The following LFNG variants were observed in gnomAD, a reference collection of about 807,000 sequenced individuals.
LFNG encodes beta-1,3-N-acetylglucosaminyltransferase lunatic fringe.
LFNG carries 15 observed loss-of-function variants against 32.7 expected under a neutral mutation model. The ratio of observed to expected loss-of-function variants is 0.46; its 90% confidence interval spans 0.31 to 0.71. The LOEUF (loss-of-function observed/expected upper bound fraction) is 0.71. Ranked by LOEUF, LFNG falls within the 30% of genes least tolerant of loss-of-function variation. LFNG has a pLI of 0.06. For synonymous variants in LFNG, 274 were observed against 246.8 expected (o/e 1.11, Z -1.03); for missense variants, 520 against 545.7 (o/e 0.95, Z 0.47).
intron 1 of LFNG, among the ~76,000 whole-genome samples, chr7:2,522,989 C>T (rs562108245): frequency 4.6e-5 from 7 of 152,350 alleles, no homozygotes; most frequent in East Asian, 3.9e-4. Context: ...CCGGCACCCC[C>T]GCACCCCATA....
upstream of LFNG, chr7:2,517,537 C>T: frequency 2.5e-6 from 1 of 399,276 alleles, no homozygotes; most frequent in Non-Finnish European, 5.0e-6. Flanking sequence ...GGGTCAAAGG[C>T]ACCGCAGTCA....
chr7:2,514,978 C>T (rs554191459), upstream of LFNG, among the ~76,000 whole-genome samples: 324 of 152,100 alleles, frequency 2.1e-3, 8 homozygotes, highest in Admixed American at 0.02. Flanking sequence ...ATCTGTCCAT[C>T]CATCCATCCG....
In LFNG at chr7:2,527,553, G is replaced by T. The variant is rs974630580; in HGVS notation, c.*341G>T. 7.9e-7 allele frequency: 1 copy of T among 1,259,582 alleles called. No individual in the cohort carries two copies. Among genetic ancestry groups the T allele is most frequent in the Non-Finnish European group, 1.0e-6 (1 of 988,160 alleles). 78.0% of individuals were successfully genotyped at this position (1,259,582 alleles called of 1,614,324 possible). ...TCTTTCTACAGCTACGGGGCTCCGG[G>T]CTACTTTGCAGGGATGCGATGCGTA... On this transcript the variant is annotated 3_prime_UTR_variant, in exon 8 of 8. Coordinates refer to ENST00000222725, the MANE Select transcript of LFNG (RefSeq NM_001040167.2). This position sits in a 1 kb window ranked among gnomAD's most constrained non-coding sequence, Gnocchi z 4.4.
At chr7:2,516,479 G>A (rs954748133), upstream of LFNG, among the ~76,000 whole-genome samples, 1 of 152,232 alleles carries the variant, frequency 6.6e-6, no homozygotes, top group African/African-American at 2.4e-5. Context: ...GGCAGACCCA[G>A]CCCATGGCTT....
Position 2,520,137 on chromosome 7 carries a change from CG to C in LFNG, c.280del (p.Ala94LeufsTer51). On this transcript the variant is annotated frameshift_variant, in exon 1 of 8. Transcript: ENST00000222725. LOFTEE classifies it high-confidence loss of function. The surrounding 1 kb of genome is among the most constrained non-coding windows in gnomAD (Gnocchi z 5.0). ...RARRDAGPPP[G>X]AAPRPADGHP... is the part of the protein sequence containing the mutation. ...CGCGCAGAGATGCGGGCCCGCCGCC[CG>C]GGGCTGCCCCCCGCCCCGCCGACGG... 7.3e-7 allele frequency: 1 copy of C among 1,376,432 alleles called. No individual in the cohort carries two copies. The highest frequency in any genetic ancestry group is 9.4e-7 in the Non-Finnish European group (1 of 1,058,500). 85.3% of individuals were successfully genotyped at this position (1,376,432 alleles called of 1,614,324 possible).
At chr7:2,522,591 C>A (rs1220863589) in intron 1 of LFNG, among the ~76,000 whole-genome samples, 1 of 151,292 alleles carries the variant, frequency 6.6e-6, no homozygotes, top group African/African-American at 2.4e-5. Context: ...CCCCGTCCAC[C>A]CTCATCCACC....
chr7:2,525,332 C>T lies in LFNG; in HGVS notation c.581+14C>T, dbSNP rs371327031. The T allele has an allele frequency of 8.9e-4, 1,441 of 1,612,398 alleles. 1 individual carries two copies. The highest frequency in any genetic ancestry group is 1.1e-3 in the Non-Finnish European group (1,347 of 1,179,584). ...GTCCGGCAGGAAGTGAGTGTGGCCC[C>T]GGGGGACCCCCATCTCCCTGCCCGA... is the stretch of plus-strand genomic sequence containing the variant. On this transcript the variant is annotated intron_variant, in intron 3 of 7. Coordinates refer to ENST00000222725, the MANE Select transcript of LFNG (RefSeq NM_001040167.2).
In LFNG at chr7:2,526,460, G is replaced by A. The variant is rs542121230; in HGVS notation, c.987+51G>A. 2.9e-5 allele frequency: 46 copies of A among 1,592,104 alleles called. No individual in the cohort carries two copies. Among genetic ancestry groups the A allele is most frequent in the African/African-American group, 2.8e-4 (21 of 74,816 alleles). On this transcript the variant is annotated intron_variant, in intron 6 of 7. Transcript: ENST00000222725. This position sits in a 1 kb window ranked among gnomAD's most constrained non-coding sequence, Gnocchi z 6.9. ...GGACTCCGAGAGCACAGGAAGGGAC[G>A]TGTGGCTGCCGAGAGGGGCGCAGTG...
At chr7:2,524,251 C>T (rs1410955050) in intron 1 of LFNG, among the ~76,000 whole-genome samples, 1 of 152,184 alleles carries the variant, frequency 6.6e-6, no homozygotes, top group African/African-American at 2.4e-5. Flanking sequence ...TCCGCCTGTC[C>T]CTCCCGCCAC....
upstream of LFNG, chr7:2,518,607 AG>A (rs1271441884): frequency 6.2e-7 from 1 of 1,610,580 alleles, no homozygotes. Context: ...AGGTAAGGAG[AG>A]GGGCTCCAAG....
At chr7:2,518,528 T>C (rs1432891213), upstream of LFNG, 2 of 1,171,582 alleles carry the variant, frequency 1.7e-6, no homozygotes, top group Non-Finnish European at 2.6e-6. Context: ...GCACCTACTA[T>C]GTCCCAAAAC....
At chr7:2,524,474 C>G (rs1160947283) in intron 1 of LFNG, among the ~76,000 whole-genome samples, 1 of 152,212 alleles carries the variant, frequency 6.6e-6, no homozygotes, top group Non-Finnish European at 1.5e-5. Flanking sequence ...TCCCCCACCC[C>G]CAGGGCGAGT....
upstream of LFNG, among the ~76,000 whole-genome samples, chr7:2,514,988 G>A (rs1187049687): frequency 4.5e-5 from 6 of 133,448 alleles, no homozygotes; most frequent in Non-Finnish European, 9.8e-5. Flanking sequence ...CCATCCATCC[G>A]TCCGTCCATC....
chr7:2,525,208 CCT>C lies in LFNG; in HGVS notation c.482-10_482-9del. Reference sequence around the variant, plus strand: ...GCTCAGACCTACTCACAGCCGCTCCCCTGTCCACAGGCAACGTGGTCATCACA... The same window carrying C: ...GCTCAGACCTACTCACAGCCGCTCCCGTCCACAGGCAACGTGGTCATCACA... On this transcript the variant is annotated splice_polypyrimidine_tract_variant and intron_variant, in intron 2 of 7. Transcript: ENST00000222725. The C allele has an allele frequency of 6.2e-7, 1 of 1,611,800 alleles. No individual in the cohort carries two copies. The highest frequency in any genetic ancestry group is 1.1e-5 in the South Asian group (1 of 91,024).
Position 2,525,079 on chromosome 7 carries a change from G to C in LFNG, c.482-140G>C, listed in dbSNP as rs959706287. The C allele has an allele frequency of 6.4e-6, 5 of 780,994 alleles. No homozygotes were observed. The African/African-American group carries it at 8.5e-5, about 13-fold the overall frequency. 48.4% of individuals were successfully genotyped at this position (780,994 alleles called of 1,614,324 possible). A position where few individuals can be genotyped will look rare whatever the true frequency, so the allele number is the denominator to read the frequency against. ...TCCACAGGCCCAAGCCCCGAGCTAG[G>C]GTGGGGGAGGCTACGGCCGCCGGGC... On this transcript the variant is annotated intron_variant, in intron 2 of 7. Coordinates refer to ENST00000222725, the MANE Select transcript of LFNG (RefSeq NM_001040167.2).
At position 2,526,934 on chromosome 7, in the gene LFNG, C is replaced by G. The variant is rs372074206; in HGVS notation, c.1073+13C>G. 2 of 1,611,186 alleles carry G rather than the reference C, an allele frequency of 1.2e-6. No individual in the cohort carries two copies. The highest frequency in any genetic ancestry group is 4.5e-5 in the East Asian group (2 of 44,840). ...CCGACCCATCCAGGTAAGGAAACCC[C>G]GGCCCAGATGGGCTTGCGTAGGGTG... On this transcript the variant is annotated intron_variant, in intron 7 of 7. Transcript: ENST00000222725. This position sits in a 1 kb window ranked among gnomAD's most constrained non-coding sequence, Gnocchi z 6.9.
intron 1 of LFNG, among the ~76,000 whole-genome samples, chr7:2,524,267 C>T: frequency 6.6e-6 from 1 of 152,118 alleles, no homozygotes; most frequent in East Asian, 1.9e-4. Context: ...GCCACCCCGC[C>T]TGTCCCCCGC....
chr7:2,518,221 A>G (rs1266328715), upstream of LFNG, among the ~76,000 whole-genome samples: 1 of 152,188 alleles, frequency 6.6e-6, no homozygotes, highest in African/African-American at 2.4e-5. Flanking sequence ...TGGAGGCTCC[A>G]GGGCTAGGCT....
chr7:2,528,808 G>A (rs1780073827), downstream of LFNG: 10 of 644,096 alleles, frequency 1.6e-5, no homozygotes, highest in South Asian at 1.5e-4. Context: ...CGGGCCTGGG[G>A]CCTCCTTATC....
Sources: allele counts gnomAD v4.1 joint callset (sites outside exome capture counted in the v4.1 genomes callset), GRCh38; gene constraint gnomAD v4.1.1; non-coding constraint Gnocchi (gnomAD v3.1); transcripts MANE v1.5; gene names NCBI Gene and HGNC (gene_info 2026-07-23, HGNC 2026-07-21).